Variants in ABCD4 observed in about 807,000 individuals in gnomAD.
The protein encoded by ABCD4 is ATP binding cassette subfamily D member 4, also known as lysosomal cobalamin transporter ABCD4.
A neutral mutation model predicts 86.3 loss-of-function variants in ABCD4; 53 were observed. The observed-to-expected ratio is 0.61, with a 90% CI of 0.49 to 0.77. The LOEUF (loss-of-function observed/expected upper bound fraction) is 0.77. Ranked by LOEUF, ABCD4 falls within the 30% of genes least tolerant of loss-of-function variation. The pLI is 0.00. For missense variants in ABCD4, 757 were observed against 764.5 expected (o/e 0.99, Z 0.12); for synonymous variants, 328 against 313.6 (o/e 1.05, Z -0.49).
chr14:74,295,150 G>A lies in ABCD4; in HGVS notation c.717C>T (p.Tyr239=), dbSNP rs2082521364. The A allele has an allele frequency of 1.2e-6, 2 of 1,614,110 alleles. No individual in the cohort carries two copies. Among genetic ancestry groups the A allele is most frequent in the Non-Finnish European group, 8.5e-7 (1 of 1,180,050 alleles). The change falls in exon 7 of 19, where the codon TAC becomes TAT. Residue 239 remains tyrosine (Y), a splice_region_variant and synonymous_variant. Coordinates refer to ENST00000356924, the MANE Select transcript of ABCD4 (RefSeq NM_005050.4). The stretch of plus-strand genomic sequence containing the variant: ...GGGAACCATCTCTCCAGACTCACCT[G>A]TAGAAAGCAGCAGGCTCCGCATTCA... The part of the protein sequence containing the change: ...IRVNAEPAAF[Y]RAGHVEHMRT...
intron 3 of ABCD4, chr14:74,299,178 C>T (rs7146976): frequency 0.04 from 8,424 of 209,654 alleles, 772 homozygotes; most frequent in African/African-American, 0.18. Context: ...GACATGGTGC[C>T]AGGGTGAGTC....
intron 15 of ABCD4, 127 bp downstream of exon 15, chr14:74,288,589 C>T: frequency 1.9e-6 from 2 of 1,079,342 alleles, no homozygotes; most frequent in Non-Finnish European, 2.8e-6. Flanking sequence ...TCAACTGATA[C>T]TCCCATTCTC....
chr14:74,286,556 A>T (rs756142443), intron 18 of ABCD4, 27 bp from the exon 19 acceptor site: 2 of 1,614,206 alleles, frequency 1.2e-6, no homozygotes, highest in Non-Finnish European at 1.7e-6. Context: ...CCACATGGAG[A>T]TCAGGCTGCC....
chr14:74,288,180 T>G, intron 16 of ABCD4, 27 bp downstream of exon 16: 2 of 1,610,836 alleles, frequency 1.2e-6, no homozygotes. Context: ...TGGGGCTATC[T>G]CTGGAGCACC....
At chr14:74,288,505 C>T (rs2080460088) in intron 15 of ABCD4, 2 of 662,476 alleles carry the variant, frequency 3.0e-6, no homozygotes, top group South Asian at 1.9e-5. Context: ...TTCATCAATC[C>T]TATTCTTGTT....
chr14:74,289,621 GGA>G (rs1364155027), intron 13 of ABCD4, 102 bp from the exon 14 acceptor site: 1 of 1,536,986 alleles, frequency 6.5e-7, no homozygotes, highest in East Asian at 2.4e-5. Flanking sequence ...CTCCCAAGGA[GGA>G]GAGGTGGGAA....
Position 74,295,149 on chromosome 14 carries a change from T to C in ABCD4, c.718A>G (p.Arg240Gly), listed in dbSNP as rs748006460. The C allele has an allele frequency of 2.5e-6, 4 of 1,614,182 alleles. No homozygotes were observed. The East Asian group carries it at 8.9e-5, about 36-fold the overall frequency. The change falls in exon 7 of 19, where the codon AGA becomes GGA. Residue 240 changes from arginine to glycine, a missense_variant and splice_region_variant. Physicochemically the swap from Arg to Gly is moderately radical, Grantham distance 125. Coordinates refer to ENST00000356924, the MANE Select transcript of ABCD4 (RefSeq NM_005050.4). ...GGGGAACCATCTCTCCAGACTCACC[T>C]GTAGAAAGCAGCAGGCTCCGCATTC... The part of the protein sequence containing the change: ...RVNAEPAAFY[R>G]AGHVEHMRTD...
intron 11 of ABCD4, 100 bp from the exon 12 acceptor site, chr14:74,290,599 G>C: frequency 1.2e-6 from 1 of 863,660 alleles, no homozygotes; most frequent in South Asian, 1.5e-5. Flanking sequence ...GGATTATTAT[G>C]GGCTGACTTG....
intron 13 of ABCD4, 90 bp downstream of exon 13, chr14:74,289,937 A>G: frequency 2.5e-6 from 4 of 1,595,360 alleles, no homozygotes; most frequent in Non-Finnish European, 3.4e-6. Context: ...CCCTGACTCT[A>G]GGACCTGAGA....
At chr14:74,286,660 G>T in intron 18 of ABCD4, 41 bp downstream of exon 18, 2 of 1,613,414 alleles carry the variant, frequency 1.2e-6, no homozygotes, top group East Asian at 2.2e-5. Flanking sequence ...GAGCCTTTGG[G>T]TTCTTTCTCC....
At chr14:74,295,106 A>G (rs1470323871) in intron 7 of ABCD4, 42 bp downstream of exon 7, 1 of 1,610,108 alleles carries the variant, frequency 6.2e-7, no homozygotes, top group East Asian at 2.2e-5. Flanking sequence ...CTCCACTCTC[A>G]GCTCTGGCAA....
At chr14:74,295,720 A>G in intron 6 of ABCD4, 134 bp downstream of exon 6, 5 of 1,146,324 alleles carry the variant, frequency 4.4e-6, no homozygotes, top group Non-Finnish European at 6.2e-6. Flanking sequence ...AAGCTTGGAG[A>G]GGTTAAAGAC....
Position 74,293,172 on chromosome 14 carries a change from T to C in ABCD4, c.796A>G (p.Lys266Glu). 6.2e-7 allele frequency: 1 copy of C among 1,614,176 alleles called. No homozygotes were observed. Among genetic ancestry groups the C allele is most frequent in the Non-Finnish European group, 8.5e-7 (1 of 1,180,022 alleles). The change falls in exon 8 of 19, where the codon AAG becomes GAG. Residue 266 changes from lysine to glutamate, a missense_variant. By Grantham distance (56) the Lys-to-Glu change is moderately conservative. Coordinates refer to ENST00000356924, the MANE Select transcript of ABCD4 (RefSeq NM_005050.4). The stretch of plus-strand genomic sequence containing the variant: ...CGCCTACTGTACAGCCAGAGCTCCT[T>C]GGACATCAGCTCCCTCTGGGTCTGA... ...LLQTQRELMS[K>E]ELWLYIGINT...
intron 17 of ABCD4, 46 bp downstream of exon 17, chr14:74,287,764 A>G (rs1452038640): frequency 1.3e-6 from 2 of 1,538,898 alleles, no homozygotes; most frequent in Non-Finnish European, 1.8e-6. Context: ...TACACCCGTG[A>G]GTGCAGACAG....
At chr14:74,299,190 C>A (rs2301347) in intron 3 of ABCD4, 62,482 of 210,766 alleles carry the variant, frequency 0.3, 10,430 homozygotes, top group Middle Eastern at 0.52. Flanking sequence ...GGGTGAGTCA[C>A]AGCCTCGGTC....
rs372543554 is a variant in ABCD4, at chr14:74,288,314, C to T, written c.1507-55G>A. ...ATGAAATGGCCAGCCCTGCTACCTG[C>T]CATCATGGGGAACCTCCCTCACTCC... On this transcript the variant is annotated intron_variant, in intron 15 of 18. Coordinates refer to ENST00000356924, the MANE Select transcript of ABCD4 (RefSeq NM_005050.4). 1.2e-5 allele frequency: 19 copies of T among 1,544,848 alleles called. No individual in the cohort carries two copies. The African/African-American group carries it at 2.4e-4, about 20-fold the overall frequency.
In ABCD4 at chr14:74,298,004, C is replaced by T; in HGVS notation, c.351G>A (p.Glu117=). 6.2e-7 allele frequency: 1 copy of T among 1,614,004 alleles called. No homozygotes were observed. Among genetic ancestry groups the T allele is most frequent in the African/African-American group, 1.3e-5 (1 of 75,022 alleles). ...LYVSWRKDLT[E]HLHRLYFRGR... Reference sequence around the variant, plus strand: ...CCCGGAAGTAGAGGCGGTGAAGGTGCTCAGTGAGGTCCTTCCTCCAGCTCA... The same window carrying T: ...CCCGGAAGTAGAGGCGGTGAAGGTGTTCAGTGAGGTCCTTCCTCCAGCTCA... The change falls in exon 4 of 19, where the codon GAG becomes GAA. Residue 117 remains glutamate, a synonymous_variant. Transcript: ENST00000356924.
intron 13 of ABCD4, 29 bp from the exon 14 acceptor site, chr14:74,289,548 T>A (rs766146250): frequency 7.4e-6 from 12 of 1,611,766 alleles, no homozygotes; most frequent in Non-Finnish European, 1.0e-5. Context: ...CACACCAACC[T>A]AGGAGGGCGA....
chr14:74,292,467 G>C, intron 10 of ABCD4, 84 bp downstream of exon 10: 1 of 1,587,188 alleles, frequency 6.3e-7, no homozygotes, highest in Non-Finnish European at 8.6e-7. Context: ...TACATGGTAT[G>C]TCTCTGTTCC....
Sources: allele counts gnomAD v4.1 joint callset, GRCh38; gene constraint gnomAD v4.1.1; transcripts MANE v1.5; gene names NCBI Gene and HGNC (gene_info 2026-07-23, HGNC 2026-07-21).